Variants in MAF observed in about 807,000 individuals in gnomAD.
The protein encoded by MAF is transcription factor Maf.
MAF carries 10 observed loss-of-function variants against 22.0 expected under a neutral mutation model. The observed-to-expected ratio is 0.45, with a 90% CI of 0.28 to 0.77. MAF has a LOEUF of 0.77. MAF is among the 30% of genes least tolerant of loss of function. The pLI is 0.12. For synonymous variants in MAF, 337 were observed against 255.8 expected (o/e 1.32, Z -3.03); for missense variants, 544 against 548.4 (o/e 0.99, Z 0.08).
chr16:79,376,164 G>C, the MAF span, among the ~76,000 whole-genome samples: 1 of 151,410 alleles, frequency 6.6e-6, no homozygotes, highest in Non-Finnish European at 1.5e-5. Context: ...TTACTTCTTC[G>C]TATGTATTAA....
the MAF span, among the ~76,000 whole-genome samples, chr16:79,400,901 T>A: frequency 6.6e-6 from 1 of 152,212 alleles, no homozygotes; most frequent in Non-Finnish European, 1.5e-5. Flanking sequence ...CCAGGCCCAA[T>A]CCTGTCCAAA....
the MAF span, among the ~76,000 whole-genome samples, chr16:79,370,835 A>T: frequency 6.6e-6 from 1 of 151,130 alleles, no homozygotes; most frequent in Non-Finnish European, 1.5e-5. Flanking sequence ...TTCATAATTC[A>T]CTGTCTGTGT....
At chr16:79,380,830 T>C in the MAF span, among the ~76,000 whole-genome samples, 1 of 152,232 alleles carries the variant, frequency 6.6e-6, no homozygotes, top group African/African-American at 2.4e-5. Flanking sequence ...GTGGTATTAC[T>C]CTGAATCTTT....
chr16:79,447,199 G>C, the MAF span, among the ~76,000 whole-genome samples: 10 of 152,218 alleles, frequency 6.6e-5, no homozygotes, highest in East Asian at 1.9e-4. Context: ...GAAAAAGCTA[G>C]GTTCCTTAAG....
chr16:79,405,264 G>A, the MAF span, among the ~76,000 whole-genome samples: 1 of 152,144 alleles, frequency 6.6e-6, no homozygotes, highest in Non-Finnish European at 1.5e-5. Flanking sequence ...ATGTTCTCAT[G>A]AAGTCTGAGC....
At chr16:79,469,213 A>T in the MAF span, among the ~76,000 whole-genome samples, 14 of 152,198 alleles carry the variant, frequency 9.2e-5, no homozygotes, top group African/African-American at 3.4e-4. Context: ...TTTACATTGT[A>T]TATGGCTGCT....
chr16:79,361,257 C>T, the MAF span, among the ~76,000 whole-genome samples: 2 of 152,120 alleles, frequency 1.3e-5, no homozygotes, highest in African/African-American at 4.8e-5. Flanking sequence ...CATGGGTTGT[C>T]ATTTAACTTT....
the MAF span, among the ~76,000 whole-genome samples, chr16:79,392,482 A>G: frequency 7.3e-6 from 1 of 137,874 alleles, no homozygotes; most frequent in African/African-American, 2.7e-5. Flanking sequence ...AGAAGGAGGG[A>G]TGGAGAGATA....
the MAF span, among the ~76,000 whole-genome samples, chr16:79,282,443 A>G: frequency 6.6e-6 from 1 of 152,132 alleles, no homozygotes; most frequent in African/African-American, 2.4e-5. Flanking sequence ...TCCCTCCTCT[A>G]AAAGGAAAAT....
At chr16:79,460,962 T>C in the MAF span, among the ~76,000 whole-genome samples, 1 of 152,206 alleles carries the variant, frequency 6.6e-6, no homozygotes, top group African/African-American at 2.4e-5. Flanking sequence ...CTTGTAGTAA[T>C]CTGAGTCTCC....
chr16:79,547,943 A>G, the MAF span, among the ~76,000 whole-genome samples: 1 of 151,950 alleles, frequency 6.6e-6, no homozygotes, highest in South Asian at 2.1e-4. Flanking sequence ...AGAGAGAGAG[A>G]ATAGCATCGA....
the MAF span, among the ~76,000 whole-genome samples, chr16:79,459,972 G>T: frequency 1.3e-5 from 2 of 152,296 alleles, no homozygotes; most frequent in East Asian, 3.9e-4. Context: ...TGCTGGGTCA[G>T]TGGGTATGTG....
At chr16:79,442,917 T>C in the MAF span, among the ~76,000 whole-genome samples, 1 of 152,152 alleles carries the variant, frequency 6.6e-6, no homozygotes, top group Non-Finnish European at 1.5e-5. Context: ...GCAGACTTAA[T>C]CCACACTGAT....
chr16:79,277,050 G>GT, the MAF span, among the ~76,000 whole-genome samples: 15 of 151,888 alleles, frequency 9.9e-5, no homozygotes, highest in African/African-American at 3.4e-4. Context: ...GATTTTTATT[G>GT]TTTTTTGAGT....
At chr16:79,528,935 A>C in the MAF span, among the ~76,000 whole-genome samples, 4 of 152,140 alleles carry the variant, frequency 2.6e-5, no homozygotes, top group East Asian at 7.7e-4. Context: ...ATTTCCCTAC[A>C]TTTGCATATT....
At chr16:79,343,666 G>A in the MAF span, among the ~76,000 whole-genome samples, 1 of 152,186 alleles carries the variant, frequency 6.6e-6, no homozygotes, top group Non-Finnish European at 1.5e-5. Flanking sequence ...TATATTAGCA[G>A]ACTCCTGACT....
chr16:79,271,543 T>G, the MAF span, among the ~76,000 whole-genome samples: 1 of 152,238 alleles, frequency 6.6e-6, no homozygotes, highest in South Asian at 2.1e-4. Context: ...GAGTAGACTG[T>G]GACAGCCTCT....
At chr16:79,327,887 T>C in the MAF span, among the ~76,000 whole-genome samples, 5 of 152,242 alleles carry the variant, frequency 3.3e-5, no homozygotes, top group Non-Finnish European at 7.3e-5. Context: ...CAGAGTGTTC[T>C]TTCCATCACC....
chr16:79,528,871 C>A, the MAF span, among the ~76,000 whole-genome samples: 2 of 152,252 alleles, frequency 1.3e-5, no homozygotes, highest in South Asian at 4.1e-4. Flanking sequence ...TGGCTACCTG[C>A]AGTAATGTGC....
Sources: allele counts gnomAD v4.1 joint callset (sites outside exome capture counted in the v4.1 genomes callset), GRCh38; gene constraint gnomAD v4.1.1; transcripts MANE v1.5; gene names NCBI Gene and HGNC (gene_info 2026-07-23, HGNC 2026-07-21).